The following KDM4B variants were observed in gnomAD, a reference collection of about 807,000 sequenced individuals.
KDM4B encodes the protein lysine-specific demethylase 4B.
KDM4B carries 32 observed loss-of-function variants against 125.2 expected under a neutral mutation model. The observed-to-expected ratio is 0.26, with a 90% CI of 0.19 to 0.34. The LOEUF is 0.34. KDM4B is among the 10% of genes least tolerant of loss of function. The pLI is 1.00. For missense variants in KDM4B, 1,190 were observed against 1,577.7 expected (o/e 0.75, Z 4.16); for synonymous variants, 721 against 677.9 (o/e 1.06, Z -0.99).
rs1265696694 is a variant in KDM4B at position 4,971,144 on chromosome 19, G to T, written c.-109+1914G>T. On this transcript the variant is annotated intron_variant, in intron 1 of 22. Transcript: ENST00000159111. The surrounding 1 kb of genome is among the most constrained non-coding windows in gnomAD (Gnocchi z 4.1). ...TGTCTTAGTAACAATCCGTTTGCTC[G>T]CATTTTCTAACCCTTTCCTCTTTGG... is the stretch of plus-strand genomic sequence containing the variant. Among the ~76,000 whole-genome samples the T allele has an allele frequency of 1.3e-5, 2 of 152,142 alleles. No homozygotes were observed. The highest frequency in any genetic ancestry group is 2.1e-4 in the South Asian group (1 of 4,830).
chr19:5,075,196 G>A (rs938017092), intron 7 of KDM4B: 4 of 152,374 alleles, frequency 2.6e-5, no homozygotes, highest in African/African-American at 9.6e-5. Context: ...TGGTGGAGCA[G>A]GAAGTGCCCG....
chr19:5,056,365 CTG>C (rs933108963), intron 6 of KDM4B, among the ~76,000 whole-genome samples: 3 of 151,324 alleles, frequency 2.0e-5, no homozygotes, highest in African/African-American at 7.3e-5. Context: ...ATGCTGTCAT[CTG>C]TGAATGTCAG....
At chr19:5,026,540 TC>T (rs1303526229) in intron 2 of KDM4B, among the ~76,000 whole-genome samples, 2 of 152,104 alleles carry the variant, frequency 1.3e-5, no homozygotes, top group Admixed American at 6.5e-5. Context: ...TTAGTAGTCT[TC>T]CAGATTGGGC....
chr19:5,137,893 G>A (rs565051851), intron 17 of KDM4B, 69 bp from the exon 18 acceptor site: 16 of 1,368,006 alleles, frequency 1.2e-5, no homozygotes, highest in South Asian at 1.0e-4. Context: ...GCCACATCAC[G>A]CCCAGCCCCT....
intron 10 of KDM4B, among the ~76,000 whole-genome samples, chr19:5,116,217 A>G (rs532145990): frequency 2.6e-4 from 38 of 144,016 alleles, no homozygotes; most frequent in African/African-American, 9.3e-4. Flanking sequence ...CCTGGGCAAC[A>G]TAGCAAGACC....
chr19:5,115,777 G>A lies in KDM4B; in HGVS notation c.1116-3876G>A, dbSNP rs1050418879. Among the ~76,000 whole-genome samples, 7 of 152,326 alleles carry A rather than the reference G, an allele frequency of 4.6e-5. No individual in the cohort carries two copies. The highest frequency in any genetic ancestry group is 3.9e-4 in the Admixed American group (6 of 15,302). ...TTCCAGGAACGAGTGGCTCTCGGATGTTACCATCTAGAGAAGAGACAAGCC... is the reference window on the plus strand; with the variant it reads ...TTCCAGGAACGAGTGGCTCTCGGATATTACCATCTAGAGAAGAGACAAGCC... On this transcript the variant is annotated intron_variant, in intron 10 of 22. Coordinates refer to ENST00000159111, the MANE Select transcript of KDM4B (RefSeq NM_015015.3). The surrounding 1 kb of genome is among the most constrained non-coding windows in gnomAD (Gnocchi z 4.2).
chr19:5,083,580 G>A (rs2038373427), intron 9 of KDM4B, among the ~76,000 whole-genome samples: 1 of 152,214 alleles, frequency 6.6e-6, no homozygotes, highest in South Asian at 2.1e-4. Context: ...GGACTGAGCT[G>A]TCCCGGCAGG....
chr19:5,021,378 G>A (rs1361469889), intron 2 of KDM4B, among the ~76,000 whole-genome samples: 1 of 152,110 alleles, frequency 6.6e-6, no homozygotes, highest in Non-Finnish European at 1.5e-5. Context: ...TTGATTGCTT[G>A]AGGCCAGAAG....
In KDM4B at chr19:5,011,764, G is replaced by T. The variant is rs148790163; in HGVS notation, c.-108-4493G>T. ...GCCCAACTTTCGGAACCCACCCGAG[G>T]GTCAGCCCTGGGGGCTCCGGTGACT... On this transcript the variant is annotated intron_variant, in intron 1 of 22. Transcript: ENST00000159111. Among the ~76,000 whole-genome samples the T allele has an allele frequency of 7.4e-3, 1,130 of 152,360 alleles. 12 individuals are homozygous for T. The highest frequency in any genetic ancestry group is 0.026 in the African/African-American group (1,073 of 41,588).
At position 5,136,278 on chromosome 19, in the gene KDM4B, C is replaced by T. The variant is rs182386267; in HGVS notation, c.2308+717C>T. On this transcript the variant is annotated intron_variant, in intron 15 of 22. Transcript: ENST00000159111. ...TCTGATTTATCTCTGCTCTCAGGGACCCCTCCCCAGTCCTGAGGCTCGACC... is the reference window on the plus strand; with the variant it reads ...TCTGATTTATCTCTGCTCTCAGGGATCCCTCCCCAGTCCTGAGGCTCGACC... Among the ~76,000 whole-genome samples, 270 of 152,328 alleles carry T rather than the reference C, an allele frequency of 1.8e-3. 2 individuals are homozygous for T. The highest frequency in any genetic ancestry group is 6.1e-3 in the African/African-American group (255 of 41,562).
intron 1 of KDM4B, among the ~76,000 whole-genome samples, chr19:4,990,747 A>G (rs1189856664): frequency 6.6e-6 from 1 of 152,192 alleles, no homozygotes; most frequent in Non-Finnish European, 1.5e-5. Context: ...TGCATTTTGA[A>G]GGATATTTAT....
chr19:5,059,349 T>C (rs2054519), intron 6 of KDM4B, among the ~76,000 whole-genome samples: 120,617 of 152,254 alleles, frequency 0.79, 48,607 homozygotes, highest in East Asian at 0.94. Flanking sequence ...GGGCGCAGGA[T>C]GGGGCCGATG....
intron 9 of KDM4B, among the ~76,000 whole-genome samples, chr19:5,094,530 C>T (rs776029199): frequency 2.7e-4 from 41 of 151,896 alleles, no homozygotes; most frequent in Admixed American, 8.5e-4. Context: ...GGATGGCCGC[C>T]GTCTAGACGG....
At chr19:5,037,610 T>C (rs263058) in intron 3 of KDM4B, among the ~76,000 whole-genome samples, 152,154 of 152,334 alleles carry the variant, frequency 1, 75,987 homozygotes, top group Middle Eastern at 1. Flanking sequence ...GGCCTCATCT[T>C]GGTTTAACTC....
intron 1 of KDM4B, among the ~76,000 whole-genome samples, chr19:4,970,326 G>A (rs2034210934): frequency 6.6e-6 from 1 of 152,258 alleles, no homozygotes; most frequent in South Asian, 2.1e-4. Flanking sequence ...TGTTCCCCGA[G>A]TTGTGAAACT....
intron 9 of KDM4B, among the ~76,000 whole-genome samples, chr19:5,096,042 C>T (rs550201776): frequency 4.0e-5 from 6 of 151,794 alleles, no homozygotes; most frequent in South Asian, 2.1e-4. Context: ...AAATGTAGGC[C>T]ACAGACTGAG....
At chr19:5,034,773 G>A (rs538969361) in intron 3 of KDM4B, among the ~76,000 whole-genome samples, 7 of 152,298 alleles carry the variant, frequency 4.6e-5, no homozygotes, top group Admixed American at 1.3e-4. Flanking sequence ...CTGAGCTGTA[G>A]AGCGAGGGAA....
intron 9 of KDM4B, among the ~76,000 whole-genome samples, chr19:5,085,733 G>A (rs1304310667): frequency 1.3e-5 from 2 of 152,212 alleles, no homozygotes; most frequent in Non-Finnish European, 2.9e-5. Context: ...GGCCTGGGCG[G>A]CGAGGGCCTT....
At chr19:5,050,252 A>G (rs1311017427) in intron 6 of KDM4B, among the ~76,000 whole-genome samples, 1 of 152,234 alleles carries the variant, frequency 6.6e-6, no homozygotes, top group East Asian at 1.9e-4. Flanking sequence ...AGTGACGTGA[A>G]CAGCCTGGTG....
Sources: allele counts gnomAD v4.1 joint callset (sites outside exome capture counted in the v4.1 genomes callset), GRCh38; gene constraint gnomAD v4.1.1; non-coding constraint Gnocchi (gnomAD v3.1); transcripts MANE v1.5; gene names NCBI Gene and HGNC (gene_info 2026-07-23, HGNC 2026-07-21).